Variants in MEIS2 observed in about 807,000 individuals in gnomAD.
The protein encoded by MEIS2 is homeobox protein Meis2.
Under a neutral mutation model 58.6 loss-of-function variants are expected in MEIS2, and 9 were observed. That is an observed-to-expected ratio of 0.15 (90% CI 0.09 to 0.27). The LOEUF is 0.27. MEIS2 is among the 10% of genes least tolerant of loss of function. MEIS2 has a pLI of 1.00. For synonymous variants in MEIS2, 221 were observed against 228.4 expected (o/e 0.97, Z 0.29); for missense variants, 427 against 635.0 (o/e 0.67, Z 3.52).
chr15:36,980,746 G>A (rs963719791), intron 8 of MEIS2, among the ~76,000 whole-genome samples: 1 of 152,016 alleles, frequency 6.6e-6, no homozygotes, highest in African/African-American at 2.4e-5. Context: ...GGAATCAAAT[G>A]ACATAATCCA....
intron 7 of MEIS2, among the ~76,000 whole-genome samples, chr15:37,040,076 ATG>A (rs35630750): frequency 3.1e-4 from 45 of 145,240 alleles, no homozygotes; most frequent in Middle Eastern, 3.5e-3. Context: ...AAGGCTGTGT[ATG>A]TGTGTGTGTG....
intron 2 of MEIS2, among the ~76,000 whole-genome samples, chr15:37,097,580 C>A (rs1212027501): frequency 6.6e-6 from 1 of 152,186 alleles, no homozygotes; most frequent in Non-Finnish European, 1.5e-5. Flanking sequence ...AATAAAAAAA[C>A]CCAAAGTTGC....
chr15:36,949,254 C>T (rs1173085382), intron 9 of MEIS2, among the ~76,000 whole-genome samples: 3 of 151,700 alleles, frequency 2.0e-5, no homozygotes, highest in African/African-American at 7.2e-5. Flanking sequence ...ATTCTCCAAG[C>T]ATGTCTCTCA....
intron 8 of MEIS2, among the ~76,000 whole-genome samples, chr15:36,985,583 A>G (rs2060068532): frequency 6.6e-6 from 1 of 152,150 alleles, no homozygotes; most frequent in Non-Finnish European, 1.5e-5. Flanking sequence ...CACAGTCCGC[A>G]CTGCCAATAT....
chr15:36,947,083 G>A (rs1478580059), intron 9 of MEIS2, among the ~76,000 whole-genome samples: 1 of 151,978 alleles, frequency 6.6e-6, no homozygotes, highest in African/African-American at 2.4e-5. Context: ...TATCACTTGT[G>A]ATTAGCTTTG....
At position 36,891,440 on chromosome 15, in the gene MEIS2, T is replaced by G. The variant is rs1165682692; in HGVS notation, c.*733A>C. The G allele has an allele frequency of 6.6e-6, 1 of 152,562 alleles. No individual in the cohort carries two copies. Among genetic ancestry groups the G allele is most frequent in the Non-Finnish European group, 1.5e-5 (1 of 68,028 alleles). 9.5% of individuals were successfully genotyped at this position (152,562 alleles called of 1,614,324 possible). A position where few individuals can be genotyped will look rare whatever the true frequency, so the allele number is the denominator to read the frequency against. ...TTGTGTTGAGGAAAGCTGCCCAACT[T>G]AAGATTGTTTTGTCCACAACCAAGG... On this transcript the variant is annotated 3_prime_UTR_variant, in exon 12 of 12. Coordinates refer to ENST00000561208, the MANE Select transcript of MEIS2 (RefSeq NM_170675.5).
chr15:36,892,858 G>A (rs12901475), intron 11 of MEIS2, among the ~76,000 whole-genome samples: 151,779 of 152,352 alleles, frequency 1, 75,606 homozygotes, highest in East Asian at 1. Context: ...GTAGATAGTA[G>A]AATAAAATAA....
intron 6 of MEIS2, among the ~76,000 whole-genome samples, chr15:37,084,358 C>T (rs1409362606): frequency 2.6e-5 from 4 of 152,142 alleles, no homozygotes; most frequent in African/African-American, 7.2e-5. Flanking sequence ...AAATTACAGG[C>T]TCCACAATGT....
intron 8 of MEIS2, among the ~76,000 whole-genome samples, chr15:37,006,511 C>A (rs1241597513): frequency 6.6e-6 from 1 of 152,212 alleles, no homozygotes; most frequent in Non-Finnish European, 1.5e-5. Flanking sequence ...TGTTCACCTT[C>A]AATCTATGCA....
chr15:36,912,030 A>G (rs2057051526), intron 9 of MEIS2, among the ~76,000 whole-genome samples: 1 of 150,132 alleles, frequency 6.7e-6, no homozygotes, highest in African/African-American at 2.4e-5. Flanking sequence ...ATTAACATAT[A>G]TTAACTGGCT....
At chr15:36,973,294 G>C (rs962411504) in intron 8 of MEIS2, among the ~76,000 whole-genome samples, 1 of 152,082 alleles carries the variant, frequency 6.6e-6, no homozygotes, top group Non-Finnish European at 1.5e-5. Flanking sequence ...GTCACAAAAG[G>C]GCTCTTCAAA....
intron 8 of MEIS2, among the ~76,000 whole-genome samples, chr15:36,994,574 T>G (rs1002619714): frequency 5.3e-5 from 8 of 152,190 alleles, no homozygotes; most frequent in Admixed American, 2.0e-4. Flanking sequence ...ATATGTCAGT[T>G]TGAAGTTGAA....
intron 8 of MEIS2, among the ~76,000 whole-genome samples, chr15:36,955,920 G>A (rs939986847): frequency 6.1e-5 from 9 of 147,436 alleles, no homozygotes; most frequent in African/African-American, 2.0e-4. Flanking sequence ...GCTCATGCCT[G>A]TAATCTCAGC....
At chr15:37,003,156 GC>G (rs368617981) in intron 8 of MEIS2, among the ~76,000 whole-genome samples, 663 of 152,164 alleles carry the variant, frequency 4.4e-3, no homozygotes, top group Non-Finnish European at 7.2e-3. Context: ...TGATTATTCT[GC>G]CCTTTTAGCA....
chr15:36,896,173 T>G (rs2056165754), intron 10 of MEIS2, among the ~76,000 whole-genome samples: 1 of 152,216 alleles, frequency 6.6e-6, no homozygotes, highest in African/African-American at 2.4e-5. Flanking sequence ...ATGGTGGCAA[T>G]GCAGCAAGTC....
intron 6 of MEIS2, among the ~76,000 whole-genome samples, chr15:37,086,941 G>A (rs1164312371): frequency 6.6e-6 from 1 of 152,124 alleles, no homozygotes; most frequent in Non-Finnish European, 1.5e-5. Flanking sequence ...TAAAATATTT[G>A]TTTATATCAC....
intron 9 of MEIS2, among the ~76,000 whole-genome samples, chr15:36,909,861 T>TGGGGGG (rs1191221872): frequency 7.5e-5 from 1 of 13,350 alleles, no homozygotes; most frequent in African/African-American, 3.2e-4. Flanking sequence ...GGGGTGGGGG[T>TGGGGGG]GGGGGGTGTT....
In MEIS2 at chr15:36,892,213, G is replaced by A. The variant is rs898671361; in HGVS notation, c.1394C>T (p.Pro465Leu). The part of the protein sequence containing the change: ...QSPTMLNSVD[P>L]NVGGQVMDIH... Reference sequence around the variant, plus strand: ...GTCCATAACCTGTCCGCCAACATTGGGATCTACAGAATTTAACATTGTGGG... The same window carrying A: ...GTCCATAACCTGTCCGCCAACATTGAGATCTACAGAATTTAACATTGTGGG... Residue 465 changes from proline (P) to leucine (L), a missense_variant, in exon 12 of 12, where the codon CCC becomes CTC. Around this residue, in one of 6 missense-constraint regions of MEIS2, gnomAD observed 154 missense variants for 148.1 expected, o/e 1.04. Coordinates refer to ENST00000561208, the MANE Select transcript of MEIS2 (RefSeq NM_170675.5). 3.1e-6 allele frequency: 5 copies of A among 1,614,008 alleles called. No homozygotes were observed. The African/African-American group carries it at 5.3e-5, about 17-fold the overall frequency.
At position 37,098,338 on chromosome 15, in the gene MEIS2, G is replaced by A. The variant is rs1194682367; in HGVS notation, c.13-139C>T. On this transcript the variant is annotated intron_variant, in intron 1 of 11. Coordinates refer to ENST00000561208, the MANE Select transcript of MEIS2 (RefSeq NM_170675.5). ...ATAAAGATGAGAGAGAGGGAGGGAGGTAAGAGAGAAGAGAGGAGGAGGAGG... is the reference window on the plus strand; with the variant it reads ...ATAAAGATGAGAGAGAGGGAGGGAGATAAGAGAGAAGAGAGGAGGAGGAGG... 11 of 1,152,714 alleles carry A rather than the reference G, an allele frequency of 9.5e-6. No individual in the cohort carries two copies. In the African/African-American group the frequency reaches 1.3e-4, roughly 14 times the overall value. The allele number at this position is 1,152,714 out of a possible 1,614,324, so 71.4% of individuals were successfully genotyped here. A position where few individuals can be genotyped will look rare whatever the true frequency, so the allele number is the denominator to read the frequency against.
Sources: gnomAD v4.1 joint callset for allele counts (sites outside exome capture counted in the v4.1 genomes callset) on GRCh38, gnomAD v4.1.1 for gene constraint, gnomAD v4.1.1 regional missense constraint, MANE v1.5 for transcripts, NCBI Gene and HGNC (gene_info 2026-07-23, HGNC 2026-07-21) for gene names.